Variants in CTPS2 observed in about 807,000 individuals in gnomAD.
CTPS2 encodes the protein CTP synthase II.
In CTPS2, 19 loss-of-function variants were observed where a neutral mutation model predicts 46.8. The observed-to-expected ratio is 0.41, with a 90% confidence interval of 0.28 to 0.60. The LOEUF (loss-of-function observed/expected upper bound fraction) is 0.60. CTPS2 is among the 20% of genes least tolerant of loss of function. The pLI is 0.35. For synonymous variants in CTPS2, 151 were observed against 165.2 expected (o/e 0.91, Z 0.66); for missense variants, 286 against 447.6 (o/e 0.64, Z 3.26).
chrX:16,629,528 G>A (rs985891716), intron 14 of CTPS2, among the ~76,000 whole-genome samples: 4 of 103,674 alleles, frequency 3.9e-5, no homozygotes, highest in East Asian at 6.0e-4. Context: ...TAACTCAGTC[G>A]AGGATTTTTT....
intron 13 of CTPS2, among the ~76,000 whole-genome samples, chrX:16,664,731 G>A (rs778708362): frequency 2.7e-5 from 3 of 111,775 alleles, no homozygotes; most frequent in South Asian, 3.7e-4. Flanking sequence ...CAACCAGGGC[G>A]ATTCTGCCCC....
intron 9 of CTPS2, among the ~76,000 whole-genome samples, chrX:16,682,465 G>A (rs145028757): frequency 0.075 from 8,422 of 111,616 alleles, 340 homozygotes; most frequent in African/African-American, 0.15. Flanking sequence ...AACCTGGGCG[G>A]CAGAGGGAGA....
intron 16 of CTPS2, among the ~76,000 whole-genome samples, chrX:16,611,761 G>A (rs61032158): frequency 0.012 from 1,380 of 111,297 alleles, 29 homozygotes; most frequent in African/African-American, 0.043. Flanking sequence ...GAAAAATCCA[G>A]TGTAGAAATC....
chrX:16,620,284 C>T lies in CTPS2; in HGVS notation c.1442G>A (p.Arg481Gln), dbSNP rs1026552016. Residue 481 changes from arginine to glutamine, a missense_variant, in exon 15 of 19, where the codon CGG becomes CAG. By Grantham distance (43) the Arg-to-Gln change is conservative. Coordinates refer to ENST00000359276, the MANE Select transcript of CTPS2 (RefSeq NM_175859.3). ...VPFIEERHRH[R>Q]FEVNPNLIKQ... ...TCAGCATGAAAGCCGTACCTCGAAC[C>T]GATGTCTGTGTCTTTCTTCTATAAA... is the stretch of plus-strand genomic sequence containing the variant. 5 of 1,200,282 alleles carry T rather than the reference C, an allele frequency of 4.2e-6. No homozygotes were observed. The Admixed American group carries it at 8.8e-5, about 21-fold the overall frequency.
intron 17 of CTPS2, among the ~76,000 whole-genome samples, chrX:16,592,402 A>G (rs1203735157): frequency 8.9e-6 from 1 of 112,039 alleles, no homozygotes; most frequent in East Asian, 2.8e-4. Context: ...ACAGCTGTGT[A>G]TCCCTGATTA....
intron 17 of CTPS2, among the ~76,000 whole-genome samples, chrX:16,595,896 G>T (rs1461659832): frequency 8.9e-6 from 1 of 112,262 alleles, no homozygotes; most frequent in Non-Finnish European, 1.9e-5. Flanking sequence ...TTGAGACAGG[G>T]TCTTGCTCTG....
intron 2 of CTPS2, 142 bp downstream of exon 2, chrX:16,702,595 G>A (rs1004097010): frequency 1.9e-6 from 1 of 512,963 alleles, no homozygotes; most frequent in African/African-American, 2.3e-5. Flanking sequence ...ATGTATCAAT[G>A]ACCATGAGAA....
intron 15 of CTPS2, among the ~76,000 whole-genome samples, chrX:16,619,259 T>C (rs986921630): frequency 2.7e-5 from 3 of 112,381 alleles, no homozygotes; most frequent in African/African-American, 9.7e-5. Context: ...AAACTCCATC[T>C]GTCCCATTCC....
At chrX:16,630,294 GC>G (rs1485953817) in intron 14 of CTPS2, among the ~76,000 whole-genome samples, 1 of 93,953 alleles carries the variant, frequency 1.1e-5, no homozygotes, top group Non-Finnish European at 2.1e-5. Flanking sequence ...TTGCTCTGTT[GC>G]CCAGGTTGGA....
At chrX:16,620,505 C>T (rs770882725) in intron 14 of CTPS2, among the ~76,000 whole-genome samples, 173 bp from the exon 15 acceptor site, 5 of 111,810 alleles carry the variant, frequency 4.5e-5, no homozygotes, top group East Asian at 2.8e-4. Flanking sequence ...TAGAAGATGG[C>T]GATAGCTTCT....
In CTPS2 at chrX:16,604,559, G is replaced by A. The variant is rs148886047; in HGVS notation, c.1691+4982C>T. 6.2e-3 allele frequency among the ~76,000 whole-genome samples: 689 copies of A among 111,187 alleles called. 2 individuals are homozygous for A. The highest frequency in any genetic ancestry group is 1.0e-2 in the Non-Finnish European group (527 of 52,964). ...TCTAGGCCTCAGGCCAGGCACATTG[G>A]CCCATGCCTGTAATCTCAGCACTTT... On this transcript the variant is annotated intron_variant, in intron 17 of 18. Transcript: ENST00000359276.
intron 13 of CTPS2, among the ~76,000 whole-genome samples, chrX:16,665,971 C>T (rs938463132): frequency 8.9e-6 from 1 of 111,953 alleles, no homozygotes; most frequent in Non-Finnish European, 1.9e-5. Context: ...AGTCTAGTCT[C>T]GAACTCCTGA....
At chrX:16,682,847 A>C (rs1408969083) in intron 9 of CTPS2, among the ~76,000 whole-genome samples, 1 of 111,980 alleles carries the variant, frequency 8.9e-6, no homozygotes, top group Non-Finnish European at 1.9e-5. Context: ...AGCACTTAGA[A>C]GCTTGCGCCT....
intron 16 of CTPS2, among the ~76,000 whole-genome samples, chrX:16,614,330 T>C (rs1048534229): frequency 2.7e-5 from 3 of 112,048 alleles, no homozygotes; most frequent in Non-Finnish European, 5.6e-5. Flanking sequence ...ATTGATGATA[T>C]CTTAACAGAA....
chrX:16,628,002 A>T (rs1181884147), intron 14 of CTPS2, among the ~76,000 whole-genome samples: 1 of 111,467 alleles, frequency 9.0e-6, no homozygotes, highest in East Asian at 2.8e-4. Context: ...TAACTTTGCT[A>T]AGATTCCTTT....
intron 14 of CTPS2, among the ~76,000 whole-genome samples, chrX:16,630,844 C>G (rs181853883): frequency 8.9e-6 from 1 of 112,904 alleles, no homozygotes; most frequent in East Asian, 2.8e-4. Flanking sequence ...ATGAAATCAA[C>G]TTTCAGCACC....
intron 14 of CTPS2, among the ~76,000 whole-genome samples, chrX:16,621,450 A>T (rs1365389248): frequency 9.8e-6 from 1 of 102,374 alleles, no homozygotes; most frequent in East Asian, 2.9e-4. Context: ...TTAAAGTATA[A>T]TAATAATAAT....
In CTPS2 at chrX:16,616,237, G is replaced by T. The variant is rs138468070; in HGVS notation, c.1546+913C>A. On this transcript the variant is annotated intron_variant, in intron 16 of 18. Transcript: ENST00000359276. ...TAGTAAATGTGTAGTTTGTGCCTAT[G>T]TGCTCACGGGTGTTCCAGCCTGGTT... is the stretch of plus-strand genomic sequence containing the variant. Among the ~76,000 whole-genome samples, 433 of 112,191 alleles carry T rather than the reference G, an allele frequency of 3.9e-3. 3 individuals carry two copies. Among genetic ancestry groups the T allele is most frequent in the African/African-American group, 0.013 (414 of 30,948 alleles).
At chrX:16,595,932 C>G (rs748961063) in intron 17 of CTPS2, among the ~76,000 whole-genome samples, 1 of 112,482 alleles carries the variant, frequency 8.9e-6, no homozygotes, top group Non-Finnish European at 1.9e-5. Flanking sequence ...TGCAGTGGCA[C>G]GATCACAGCT....
Sources: gnomAD v4.1 joint callset for allele counts (sites outside exome capture counted in the v4.1 genomes callset) on GRCh38, gnomAD v4.1.1 for gene constraint, MANE v1.5 for transcripts, NCBI Gene and HGNC (gene_info 2026-07-23, HGNC 2026-07-21) for gene names.